SVOPL: variants seen among roughly 807,000 people sequenced by gnomAD.
SVOPL encodes SVOP like.
SVOPL carries 60 observed loss-of-function variants against 61.0 expected under a neutral mutation model. That is an observed-to-expected ratio of 0.98 (90% CI 0.80 to 1.22). The LOEUF is 1.22. SVOPL is among the 50% of genes most tolerant of loss of function. SVOPL has a pLI of 0.00. For missense variants in SVOPL, 662 were observed against 643.9 expected, an observed-to-expected ratio of 1.03 and a Z score of -0.30; for synonymous variants, 279 against 250.0, an observed-to-expected ratio of 1.12 and a Z score of -1.09.
At chr7:138,603,952 A>ATTTTTT (rs1402298192) in intron 14 of SVOPL, among the ~76,000 whole-genome samples, 1 of 128,950 alleles carries the variant, frequency 7.8e-6, no homozygotes, top group Admixed American at 7.9e-5. Context: ...ACCTTAATTT[A>ATTTTTT]TTCTTTTTTT....
chr7:138,690,401 C>A (rs539061406), intron 1 of SVOPL, among the ~76,000 whole-genome samples: 1 of 152,074 alleles, frequency 6.6e-6, no homozygotes, highest in Non-Finnish European at 1.5e-5. Flanking sequence ...TCCAAATGCC[C>A]ATCATCTGAT....
chr7:138,647,938 G>A (rs906895342), intron 8 of SVOPL, among the ~76,000 whole-genome samples: 2 of 151,770 alleles, frequency 1.3e-5, no homozygotes, highest in Non-Finnish European at 2.9e-5. Context: ...GTATTGAGTC[G>A]AGGTTTAGAA....
intron 4 of SVOPL, among the ~76,000 whole-genome samples, chr7:138,667,772 G>T (rs556802830): frequency 2.6e-5 from 4 of 152,306 alleles, no homozygotes; most frequent in African/African-American, 9.6e-5. Context: ...CTGAGTCAGT[G>T]AAAGAGATCT....
intron 14 of SVOPL, among the ~76,000 whole-genome samples, chr7:138,615,097 T>C (rs180885821): frequency 6.6e-6 from 1 of 152,210 alleles, no homozygotes; most frequent in East Asian, 1.9e-4. Context: ...AGTGCACACG[T>C]CACTGAACCA....
At chr7:138,594,738 G>T (rs934001447) in intron 15 of SVOPL, 117 bp from the exon 16 acceptor site, 1 of 660,712 alleles carries the variant, frequency 1.5e-6, no homozygotes, top group Non-Finnish European at 2.3e-6. Context: ...TTATTAGGAG[G>T]GAAAATCCTA....
intron 1 of SVOPL, among the ~76,000 whole-genome samples, chr7:138,699,949 A>AG (rs1393026368): frequency 1.3e-5 from 2 of 152,222 alleles, no homozygotes; most frequent in African/African-American, 2.4e-5. Flanking sequence ...CCTGCAACAG[A>AG]GAAAGTCCTC....
At chr7:138,665,180 C>T (rs761242578) in intron 4 of SVOPL, among the ~76,000 whole-genome samples, 26 of 124,774 alleles carry the variant, frequency 2.1e-4, no homozygotes, top group Non-Finnish European at 3.8e-4. Flanking sequence ...TGACATGACT[C>T]CACTGTTTCT....
intron 1 of SVOPL, chr7:138,688,834 T>TAGATCTCGGTGGTC: frequency 2.5e-5 from 9 of 362,906 alleles, no homozygotes; most frequent in Admixed American, 1.9e-4. Flanking sequence ...TTGAATTGTG[T>TAGATCTCGGTGGTC]GCCCATCAAA....
At chr7:138,672,209 TC>T (rs1019918762) in intron 3 of SVOPL, 92 bp from the exon 4 acceptor site, 2 of 1,141,390 alleles carry the variant, frequency 1.8e-6, no homozygotes, top group African/African-American at 3.1e-5. Context: ...CCTAGTCCTG[TC>T]CCCTTTGTCC....
intron 14 of SVOPL, among the ~76,000 whole-genome samples, chr7:138,613,624 A>G (rs1799151736): frequency 6.6e-6 from 1 of 152,022 alleles, no homozygotes; most frequent in Non-Finnish European, 1.5e-5. Context: ...CTTCCCAGAG[A>G]GGACTACCTA....
rs1802630180 is a variant in SVOPL at position 138,678,582 on chromosome 7, G to A, written c.83-57C>T. ...CTTCTGCAGGGAAGGGAATGCGTGT[G>A]GACTATCAGCTTCAGAAAGCCAACC... is the stretch of plus-strand genomic sequence containing the variant. On this transcript the variant is annotated intron_variant, in intron 2 of 15. Coordinates refer to ENST00000674285, the MANE Select transcript of SVOPL (RefSeq NM_001139456.2). 5 of 1,500,410 alleles carry A rather than the reference G, an allele frequency of 3.3e-6. No homozygotes were observed. The Admixed American group carries it at 1.0e-4, about 31-fold the overall frequency. 92.9% of individuals were successfully genotyped at this position (1,500,410 alleles called of 1,614,324 possible). A position where few individuals can be genotyped will look rare whatever the true frequency, so the allele number is the denominator to read the frequency against.
intron 1 of SVOPL, among the ~76,000 whole-genome samples, chr7:138,687,228 C>CT (rs71179722): frequency 0.17 from 13,130 of 77,394 alleles, 1,173 homozygotes; most frequent in African/African-American, 0.26. Context: ...CTTTTTTCCT[C>CT]TTTTTTTTTT....
intron 3 of SVOPL, 78 bp downstream of exon 3, chr7:138,678,355 AT>A: frequency 6.9e-7 from 1 of 1,455,592 alleles, no homozygotes; most frequent in Admixed American, 2.1e-5. Context: ...ATGGTCACTC[AT>A]ATTTGGCTCA....
At chr7:138,665,357 T>C (rs1475704140) in intron 4 of SVOPL, among the ~76,000 whole-genome samples, 1 of 151,448 alleles carries the variant, frequency 6.6e-6, no homozygotes, top group Non-Finnish European at 1.5e-5. Flanking sequence ...GCCCTTCCGT[T>C]TAGCACAATT....
rs776544676 is a variant in SVOPL, at chr7:138,627,413, C to T, written c.1118G>A (p.Ser373Asn). ...LGINFLGRRL[S>N]LSITMGCTAL... The stretch of plus-strand genomic sequence containing the variant: ...CGTGCATCCCATGGTAATAGAAAGG[C>T]TCAGCCGTCTTCCCAGGAAATTGAT... The change falls in exon 12 of 16, where the codon AGC becomes AAC. Residue 373 changes from serine (S) to asparagine (N), a missense_variant. Physicochemically the swap from Ser to Asn is conservative, Grantham distance 46 (BLOSUM62 1). Coordinates refer to ENST00000674285, the MANE Select transcript of SVOPL (RefSeq NM_001139456.2). 3.7e-6 allele frequency: 6 copies of T among 1,613,710 alleles called. No homozygotes were observed. The East Asian group carries it at 6.7e-5, about 18-fold the overall frequency.
At chr7:138,660,151 A>C in intron 5 of SVOPL, 163 bp from the exon 6 acceptor site, 9 of 1,404,776 alleles carry the variant, frequency 6.4e-6, no homozygotes, top group East Asian at 2.8e-5. Flanking sequence ...CAACAATACA[A>C]TCCATGCCAT....
intron 14 of SVOPL, among the ~76,000 whole-genome samples, chr7:138,616,581 C>T (rs1201291047): frequency 3.3e-5 from 5 of 152,134 alleles, no homozygotes; most frequent in Non-Finnish European, 5.9e-5. Context: ...GGTAATCCAC[C>T]GGCCTCAGCC....
chr7:138,638,837 G>A (rs1222678996), intron 9 of SVOPL, among the ~76,000 whole-genome samples: 1 of 152,202 alleles, frequency 6.6e-6, no homozygotes, highest in Non-Finnish European at 1.5e-5. Context: ...AAAAGGAAGT[G>A]CAGGGGAGGG....
At chr7:138,685,837 C>A (rs1379687355) in intron 1 of SVOPL, among the ~76,000 whole-genome samples, 1 of 151,162 alleles carries the variant, frequency 6.6e-6, no homozygotes, top group Non-Finnish European at 1.5e-5. Flanking sequence ...GCACCGCTGC[C>A]CTCCAGCCTG....
Sources: gnomAD v4.1 joint callset for allele counts (sites outside exome capture counted in the v4.1 genomes callset) on GRCh38, gnomAD v4.1.1 for gene constraint, MANE v1.5 for transcripts, NCBI Gene and HGNC (gene_info 2026-07-23, HGNC 2026-07-21) for gene names.